Variants in DNAH2 observed in about 807,000 individuals in gnomAD.
DNAH2 encodes the protein dynein axonemal heavy chain 2.
Under a neutral mutation model 523.5 loss-of-function variants are expected in DNAH2, and 323 were observed. The observed-to-expected ratio is 0.62, with a 90% CI of 0.56 to 0.68. DNAH2 has a LOEUF of 0.68. DNAH2 is among the 30% of genes least tolerant of loss of function. DNAH2 has a pLI of 0.00. For missense variants in DNAH2, 4,907 were observed against 5,701.5 expected, an observed-to-expected ratio of 0.86 and a Z score of 4.49; for synonymous variants, 2,093 against 2,177.4, an observed-to-expected ratio of 0.96 and a Z score of 1.08.
chr17:7,796,514 G>C lies in DNAH2; in HGVS notation c.7725G>C (p.Gln2575His). The C allele has an allele frequency of 6.2e-7, 1 of 1,613,794 alleles. No homozygotes were observed. Among genetic ancestry groups the C allele is most frequent in the Admixed American group, 1.7e-5 (1 of 59,970 alleles). Residue 2575 changes from glutamine to histidine, a missense_variant, in exon 50 of 86, where the codon CAG becomes CAC. By Grantham distance (24) the Gln-to-His change is conservative. Transcript: ENST00000572933. ...IFGTMINQKLQDFEEEVKPIG... is the reference protein window; with the variant it reads ...IFGTMINQKLHDFEEEVKPIG... ...GCACCATGATCAATCAGAAGCTTCA[G>C]GACTTTGAGGAAGAGGTGAAGCCCA...
At chr17:7,759,739 G>A in intron 16 of DNAH2, 52 bp from the exon 17 acceptor site, 1 of 1,611,292 alleles carries the variant, frequency 6.2e-7, no homozygotes, top group Non-Finnish European at 8.5e-7. Flanking sequence ...TGAAGTGTGT[G>A]ACCTTCCCAG....
chr17:7,751,407 A>G (rs1014020185), intron 12 of DNAH2, among the ~76,000 whole-genome samples: 1 of 151,984 alleles, frequency 6.6e-6, no homozygotes, highest in Non-Finnish European at 1.5e-5. Context: ...TTTTTTTTTA[A>G]TTTTATTTTA....
Position 7,760,917 on chromosome 17 carries a change from T to C in DNAH2, c.2963T>C (p.Val988Ala), listed in dbSNP as rs747397170. The change falls in exon 18 of 86, where the codon GTT becomes GCT. Residue 988 changes from valine (V) to alanine (A), a missense_variant. Val to Ala is a moderately conservative substitution (Grantham distance 64). Around this residue, in one of 3 missense-constraint regions of DNAH2, gnomAD observed 2,806 missense variants for 3,190.8 expected, o/e 0.88. Transcript: ENST00000572933. The surrounding 1 kb of genome is among the most constrained non-coding windows in gnomAD (Gnocchi z 4.0). ...QRLNPPVSSF[V>A]ADIARYTEVA... is the part of the protein sequence containing the mutation. ...CTCAACCCTCCTGTCTCTTCTTTTG[T>C]TGCCGACATTGCCCGGTGAGTGGTG... The C allele has an allele frequency of 1.5e-5, 25 of 1,613,976 alleles. No individual in the cohort carries two copies. The highest frequency in any genetic ancestry group is 3.3e-4 in the Middle Eastern group (2 of 6,080).
rs956094478 is a variant in DNAH2 at position 7,763,933 on chromosome 17, C to T, written c.3081C>T (p.His1027=). 1.2e-6 allele frequency: 2 copies of T among 1,614,210 alleles called. No individual in the cohort carries two copies. The highest frequency in any genetic ancestry group is 1.7e-5 in the Admixed American group (1 of 60,018). ...CSHLKFSLVQ[H]CNEWQNKFAT... ...ACCTCAAGTTCTCCCTGGTGCAGCACTGCAATGAATGGCAGAACAAGTTCG... is the reference window on the plus strand; with the variant it reads ...ACCTCAAGTTCTCCCTGGTGCAGCATTGCAATGAATGGCAGAACAAGTTCG... Residue 1027 remains histidine, a synonymous_variant, in exon 19 of 86, where the codon CAC becomes CAT. Coordinates refer to ENST00000572933, the MANE Select transcript of DNAH2 (RefSeq NM_020877.5).
chr17:7,787,247 G>T, intron 42 of DNAH2: 1 of 652,450 alleles, frequency 1.5e-6, no homozygotes, highest in South Asian at 2.0e-5. Flanking sequence ...AACACCCTCT[G>T]TTGTAAGCAC....
At chr17:7,819,504 C>T in intron 72 of DNAH2, 96 bp downstream of exon 72, 3 of 1,326,384 alleles carry the variant, frequency 2.3e-6, no homozygotes, top group Non-Finnish European at 3.2e-6. Flanking sequence ...CCGCGGCTCT[C>T]AGCCTGCCGC....
In DNAH2 at chr17:7,821,194, A is replaced by G. The variant is rs2077842608; in HGVS notation, c.11016-49A>G. The G allele has an allele frequency of 1.3e-6, 2 of 1,591,536 alleles. No homozygotes were observed. The highest frequency in any genetic ancestry group is 1.7e-6 in the Non-Finnish European group (2 of 1,165,962). Reference sequence around the variant, plus strand: ...CATCATAGCATTCGCATGGAGCATCAGCCCCCATTCCATGCTGCCCCTCCC... The same window carrying G: ...CATCATAGCATTCGCATGGAGCATCGGCCCCCATTCCATGCTGCCCCTCCC... On this transcript the variant is annotated intron_variant, in intron 72 of 85. Coordinates refer to ENST00000572933, the MANE Select transcript of DNAH2 (RefSeq NM_020877.5). This position sits in a 1 kb window ranked among gnomAD's most constrained non-coding sequence, Gnocchi z 5.0.
intron 77 of DNAH2, among the ~76,000 whole-genome samples, chr17:7,829,620 C>T (rs1411797002): frequency 6.6e-6 from 1 of 152,128 alleles, no homozygotes; most frequent in African/African-American, 2.4e-5. Flanking sequence ...CACGCAATTC[C>T]GTACATTTTT....
intron 44 of DNAH2, among the ~76,000 whole-genome samples, chr17:7,789,185 A>AAAAAC (rs2076828845): frequency 9.2e-6 from 1 of 108,628 alleles, no homozygotes; most frequent in African/African-American, 2.8e-5. Context: ...AAACAAAAAC[A>AAAAAC]AAAAACCGCA....
intron 12 of DNAH2, among the ~76,000 whole-genome samples, chr17:7,751,679 A>G (rs905511006): frequency 6.6e-6 from 1 of 152,048 alleles, no homozygotes; most frequent in African/African-American, 2.4e-5. Flanking sequence ...CTATTCTGGT[A>G]TCTGTCTATT....
At chr17:7,797,114 A>AG (rs1223720379) in intron 50 of DNAH2, 62 bp from the exon 51 acceptor site, 1 of 1,489,654 alleles carries the variant, frequency 6.7e-7, no homozygotes, top group African/African-American at 1.4e-5. Context: ...AAAAAAAAAA[A>AG]AAAAAAACTT....
In DNAH2 at chr17:7,754,879, C is replaced by G. The variant is rs2075792515; in HGVS notation, c.1905-2212C>G. ...ATATCTCTGTCTGCCAACGTGAGGA[C>G]AGAAGGACAGGTGCCACCCACCCCG... On this transcript the variant is annotated intron_variant, in intron 12 of 85. Transcript: ENST00000572933. This position sits in a 1 kb window ranked among gnomAD's most constrained non-coding sequence, Gnocchi z 4.6. The G allele has an allele frequency of 1.6e-6, 1 of 611,198 alleles. No individual in the cohort carries two copies. Among genetic ancestry groups the G allele is most frequent in the African/African-American group, 1.8e-5 (1 of 54,732 alleles). The allele number at this position is 611,198 out of a possible 1,614,324, so 37.9% of individuals were successfully genotyped here.
At chr17:7,778,022 G>C in intron 33 of DNAH2, 55 bp from the exon 34 acceptor site, 2 of 1,493,064 alleles carry the variant, frequency 1.3e-6, no homozygotes, top group Non-Finnish European at 1.9e-6. Flanking sequence ...CATTGTCCCA[G>C]CTCTAACTCT....
chr17:7,769,205 T>A (rs62059666), intron 24 of DNAH2, among the ~76,000 whole-genome samples: 39,942 of 152,066 alleles, frequency 0.26, 6,091 homozygotes, highest in Non-Finnish European at 0.35. Context: ...TCTGTTGCCC[T>A]GGCTGGGGTG....
Position 7,792,064 on chromosome 17 carries a change from A to G in DNAH2, c.7048A>G (p.Asn2350Asp), listed in dbSNP as rs1293928541. 1.2e-6 allele frequency: 2 copies of G among 1,612,230 alleles called. No homozygotes were observed. Among genetic ancestry groups the G allele is most frequent in the Non-Finnish European group, 1.7e-6 (2 of 1,179,612 alleles). The change falls in exon 45 of 86, where the codon AAT (asparagine) becomes GAT (aspartate). Residue 2350 changes from asparagine (N) to aspartate (D), a missense_variant. Coordinates refer to ENST00000572933, the MANE Select transcript of DNAH2 (RefSeq NM_020877.5). ...YLREIEGSFP[N>D]KDTVYEYFVD... ...CCGAGAGATCGAGGGCTCCTTTCCC[A>G]ATAAGGTTGGGCGCACACCTGGCTG...
intron 12 of DNAH2, chr17:7,743,783 T>C (rs2075432688): frequency 6.1e-6 from 1 of 163,984 alleles, no homozygotes; most frequent in South Asian, 1.8e-4. Flanking sequence ...TCCTGACTGT[T>C]GGTGGGGCTG....
At chr17:7,787,780 T>A in intron 42 of DNAH2, 80 bp from the exon 43 acceptor site, 87 of 1,112,490 alleles carry the variant, frequency 7.8e-5, no homozygotes, top group Non-Finnish European at 9.8e-5. Flanking sequence ...ACTTGTAGCA[T>A]CCGAGTTCCG....
Position 7,786,623 on chromosome 17 carries a change from T to C in DNAH2, c.6402T>C (p.Tyr2134=), listed in dbSNP as rs2076741892. The change falls in exon 41 of 86, where the codon TAT becomes TAC. Residue 2134 remains tyrosine (Y), a synonymous_variant. Transcript: ENST00000572933. The surrounding 1 kb of genome is among the most constrained non-coding windows in gnomAD (Gnocchi z 7.5). ...ALSLGELYGE[Y]DLSTNEWTDG... is the part of the protein sequence containing the mutation. ...CCCTAGGGGAACTGTATGGGGAATA[T>C]GACCTCAGCACCAATGAATGGACAG... The C allele has an allele frequency of 6.2e-7, 1 of 1,614,112 alleles. No homozygotes were observed. The highest frequency in any genetic ancestry group is 8.5e-7 in the Non-Finnish European group (1 of 1,180,046).
At position 7,833,577 on chromosome 17, in the gene DNAH2, C is replaced by G. The variant is rs2078258304; in HGVS notation, c.*44C>G. ...GCTTGAGAGAGAGGGTCAGGGACTC[C>G]AGGAGCTAAGACAGATGTTGCACCT... On this transcript the variant is annotated 3_prime_UTR_variant, in exon 86 of 86. Transcript: ENST00000572933. The G allele has an allele frequency of 6.2e-7, 1 of 1,607,662 alleles. No individual in the cohort carries two copies. Among genetic ancestry groups the G allele is most frequent in the Admixed American group, 1.7e-5 (1 of 59,958 alleles).
Sources: allele counts gnomAD v4.1 joint callset (sites outside exome capture counted in the v4.1 genomes callset), GRCh38; gene constraint gnomAD v4.1.1; regional missense constraint gnomAD v4.1.1; non-coding constraint Gnocchi (gnomAD v3.1); transcripts MANE v1.5; gene names NCBI Gene and HGNC (gene_info 2026-07-23, HGNC 2026-07-21).